The following ADGRB3 variants were observed in gnomAD, a reference collection of about 807,000 sequenced individuals.
ADGRB3 encodes the protein adhesion G protein-coupled receptor B3.
A neutral mutation model predicts 193.4 loss-of-function variants in ADGRB3; 37 were observed. That is an observed-to-expected ratio of 0.19 (90% CI 0.15 to 0.25). ADGRB3 has a LOEUF of 0.25. Ranked by LOEUF, ADGRB3 falls within the 10% of genes least tolerant of loss-of-function variation. The pLI is 1.00. For missense variants in ADGRB3, 1,637 were observed against 1,852.9 expected, an observed-to-expected ratio of 0.88 and a Z score of 2.14; for synonymous variants, 690 against 644.2, an observed-to-expected ratio of 1.07 and a Z score of -1.08.
At chr6:69,255,040 TC>T (rs1255978752) in intron 20 of ADGRB3, among the ~76,000 whole-genome samples, 1 of 151,506 alleles carries the variant, frequency 6.6e-6, no homozygotes, top group East Asian at 1.9e-4. Context: ...CATGAACTCA[TC>T]ATTTTTTATG....
intron 3 of ADGRB3, among the ~76,000 whole-genome samples, chr6:68,672,060 CATAGTAGTCACTAATG>C (rs1241797124): frequency 6.6e-6 from 1 of 151,972 alleles, no homozygotes; most frequent in Non-Finnish European, 1.5e-5. Flanking sequence ...TTTAGTTGCT[CATAGTAGTCACTAATG>C]ATCTTTTGAA....
chr6:69,022,118 G>A (rs886672447), intron 13 of ADGRB3, among the ~76,000 whole-genome samples: 2 of 151,580 alleles, frequency 1.3e-5, no homozygotes, highest in African/African-American at 4.8e-5. Context: ...GAGTTAATGA[G>A]CATTTACTAA....
intron 20 of ADGRB3, among the ~76,000 whole-genome samples, chr6:69,267,944 T>A (rs963553252): frequency 6.6e-6 from 1 of 152,088 alleles, no homozygotes; most frequent in Non-Finnish European, 1.5e-5. Context: ...TCAGTGAACT[T>A]TTTGTGTGGC....
intron 3 of ADGRB3, among the ~76,000 whole-genome samples, chr6:68,758,048 C>A (rs769926732): frequency 4.6e-5 from 7 of 152,140 alleles, no homozygotes; most frequent in Middle Eastern, 6.8e-3. Context: ...AGCTAGGAAG[C>A]CTTACAGACC....
intron 13 of ADGRB3, among the ~76,000 whole-genome samples, chr6:69,033,623 CTTTTG>C (rs900355019): frequency 5.9e-5 from 9 of 151,670 alleles, no homozygotes; most frequent in African/African-American, 2.2e-4. Context: ...TTAATTTGGT[CTTTTG>C]TTTTGACATG....
chr6:69,126,394 T>G (rs1057131217), intron 17 of ADGRB3, among the ~76,000 whole-genome samples: 3 of 152,144 alleles, frequency 2.0e-5, no homozygotes, highest in Non-Finnish European at 4.4e-5. Flanking sequence ...GTAGAGTGGC[T>G]CAGTCCAAGC....
intron 17 of ADGRB3, among the ~76,000 whole-genome samples, chr6:69,163,910 C>T (rs569222470): frequency 2.6e-5 from 4 of 152,232 alleles, no homozygotes; most frequent in East Asian, 1.9e-4. Context: ...TTTTCAACCA[C>T]GACTTTCTTC....
intron 20 of ADGRB3, among the ~76,000 whole-genome samples, chr6:69,316,418 C>T (rs118039749): frequency 0.025 from 3,768 of 151,474 alleles, 60 homozygotes; most frequent in Non-Finnish European, 0.035. Context: ...GAGAACATTA[C>T]ACACAATCAT....
At chr6:69,192,997 G>T (rs988175813) in intron 17 of ADGRB3, among the ~76,000 whole-genome samples, 1 of 152,098 alleles carries the variant, frequency 6.6e-6, no homozygotes, top group African/African-American at 2.4e-5. Flanking sequence ...AAATCAAGTT[G>T]GTGGTCGTTC....
chr6:68,721,146 A>G (rs1765568819), intron 3 of ADGRB3, among the ~76,000 whole-genome samples: 1 of 151,898 alleles, frequency 6.6e-6, no homozygotes, highest in African/African-American at 2.4e-5. Flanking sequence ...AAAGGAATAT[A>G]AATCATGCTG....
chr6:68,846,533 G>A (rs888188059), intron 3 of ADGRB3, among the ~76,000 whole-genome samples: 6 of 152,236 alleles, frequency 3.9e-5, no homozygotes, highest in African/African-American at 1.2e-4. Context: ...TTGGTGTCCT[G>A]TGTCCCAGCC....
intron 3 of ADGRB3, among the ~76,000 whole-genome samples, chr6:68,723,938 G>A (rs1210261910): frequency 6.6e-6 from 1 of 151,576 alleles, no homozygotes; most frequent in Non-Finnish European, 1.5e-5. Flanking sequence ...ATTTAAGGAT[G>A]TTGCTAATTA....
At chr6:68,690,008 G>A (rs1174514573) in intron 3 of ADGRB3, among the ~76,000 whole-genome samples, 1 of 152,184 alleles carries the variant, frequency 6.6e-6, no homozygotes, top group East Asian at 1.9e-4. Context: ...AGCCTTCTTA[G>A]CACAGTCCTT....
At chr6:68,947,277 C>T (rs1272178811) in intron 6 of ADGRB3, among the ~76,000 whole-genome samples, 20 of 151,940 alleles carry the variant, frequency 1.3e-4, no homozygotes, top group Admixed American at 1.3e-3. Context: ...GTCTGTTTTA[C>T]TTATCTCACC....
At chr6:69,177,987 T>G (rs1185872804) in intron 17 of ADGRB3, among the ~76,000 whole-genome samples, 2 of 152,202 alleles carry the variant, frequency 1.3e-5, no homozygotes, top group African/African-American at 2.4e-5. Flanking sequence ...GTCCAGAATT[T>G]CTTTGTTAGT....
chr6:69,342,641 T>C (rs2127321368), intron 26 of ADGRB3, among the ~76,000 whole-genome samples: 2 of 152,236 alleles, frequency 1.3e-5, no homozygotes. Flanking sequence ...AGAAGAGAAG[T>C]ATCTTCCCAT....
At chr6:69,255,270 G>A (rs1231919510) in intron 20 of ADGRB3, among the ~76,000 whole-genome samples, 2 of 152,090 alleles carry the variant, frequency 1.3e-5, no homozygotes, top group South Asian at 4.1e-4. Context: ...CTAGATCCCT[G>A]AGGAATCGCC....
intron 17 of ADGRB3, among the ~76,000 whole-genome samples, chr6:69,176,784 A>T (rs1445972749): frequency 3.3e-5 from 5 of 152,120 alleles, no homozygotes; most frequent in African/African-American, 4.8e-5. Context: ...AGTTAAGTTT[A>T]TTATTACTGA....
In ADGRB3 at chr6:69,127,815, C is replaced by G. The variant is rs117892879; in HGVS notation, c.2480+51777C>G. On this transcript the variant is annotated intron_variant, in intron 17 of 31. Coordinates refer to ENST00000370598, the MANE Select transcript of ADGRB3 (RefSeq NM_001704.3). ...CATTACACAACTGTAAATGTTAAAA[C>G]TATACTACATGAATGTTCCCGTGAC... Among the ~76,000 whole-genome samples the G allele has an allele frequency of 5.5e-3, 833 of 152,206 alleles. 6 individuals are homozygous for G. The highest frequency in any genetic ancestry group is 9.1e-3 in the Non-Finnish European group (620 of 68,012).
Sources: gnomAD v4.1 joint callset for allele counts (sites outside exome capture counted in the v4.1 genomes callset) on GRCh38, gnomAD v4.1.1 for gene constraint, MANE v1.5 for transcripts, NCBI Gene and HGNC (gene_info 2026-07-23, HGNC 2026-07-21) for gene names.